Variants in PRKCA observed in about 807,000 individuals in gnomAD.
PRKCA encodes the protein protein kinase C alpha.
Under a neutral mutation model 87.0 loss-of-function variants are expected in PRKCA, and 27 were observed. The ratio of observed to expected loss-of-function variants is 0.31; its 90% CI spans 0.23 to 0.43. The LOEUF (loss-of-function observed/expected upper bound fraction) is 0.43. Ranked by LOEUF, PRKCA falls within the 20% of genes least tolerant of loss-of-function variation. The pLI is 1.00. For missense variants in PRKCA, 518 were observed against 852.3 expected (o/e 0.61, Z 4.88); for synonymous variants, 329 against 311.1 (o/e 1.06, Z -0.61).
chr17:66,587,311 T>G (rs1231902103), intron 3 of PRKCA, among the ~76,000 whole-genome samples: 2 of 152,232 alleles, frequency 1.3e-5, no homozygotes, highest in Non-Finnish European at 2.9e-5. Flanking sequence ...TGTACACTTT[T>G]TCAGCATGTG....
chr17:66,624,508 A>G (rs1277871447), intron 3 of PRKCA, among the ~76,000 whole-genome samples: 1 of 152,190 alleles, frequency 6.6e-6, no homozygotes, highest in Admixed American at 6.5e-5. Context: ...TTAAATTTAA[A>G]TGAATTATTT....
At chr17:66,486,431 C>T (rs1398935305) in intron 2 of PRKCA, among the ~76,000 whole-genome samples, 1 of 152,106 alleles carries the variant, frequency 6.6e-6, no homozygotes, top group Admixed American at 6.6e-5. Flanking sequence ...CCATCATGGG[C>T]GAGTAATGAC....
chr17:66,795,261 T>G (rs151184665), intron 16 of PRKCA, among the ~76,000 whole-genome samples: 250 of 152,316 alleles, frequency 1.6e-3, no homozygotes, highest in Middle Eastern at 6.8e-3. Flanking sequence ...ACAGATCAGA[T>G]ACCATAGGCA....
chr17:66,424,805 A>C (rs1682481689), intron 2 of PRKCA, among the ~76,000 whole-genome samples: 1 of 147,530 alleles, frequency 6.8e-6, no homozygotes, highest in Non-Finnish European at 1.5e-5. Flanking sequence ...GCTGGAATGC[A>C]GTGGCATGAT....
At chr17:66,669,669 G>A (rs985797337) in intron 5 of PRKCA, among the ~76,000 whole-genome samples, 1 of 152,192 alleles carries the variant, frequency 6.6e-6, no homozygotes, top group Non-Finnish European at 1.5e-5. Context: ...GGAGGCCGAA[G>A]TTGGGCAGAT....
chr17:66,411,014 G>A (rs1911764413), intron 2 of PRKCA, among the ~76,000 whole-genome samples: 1 of 152,132 alleles, frequency 6.6e-6, no homozygotes, highest in African/African-American at 2.4e-5. Context: ...TCTGTGCATA[G>A]ACTTAGTATT....
intron 2 of PRKCA, among the ~76,000 whole-genome samples, chr17:66,405,562 AC>A (rs1459155393): frequency 2.0e-5 from 3 of 152,210 alleles, no homozygotes; most frequent in Admixed American, 1.3e-4. Flanking sequence ...GAAAAAAAAA[AC>A]CAACCCTTGT....
chr17:66,495,215 G>A (rs1215574410), intron 2 of PRKCA, among the ~76,000 whole-genome samples: 1 of 152,128 alleles, frequency 6.6e-6, no homozygotes, highest in African/African-American at 2.4e-5. Flanking sequence ...TTACTGGGTA[G>A]TAGATTTTGC....
At chr17:66,700,938 A>G (rs1282308848) in intron 8 of PRKCA, among the ~76,000 whole-genome samples, 1 of 152,180 alleles carries the variant, frequency 6.6e-6, no homozygotes, top group African/African-American at 2.4e-5. Flanking sequence ...TTGTTTCCAT[A>G]GAGGAAAAAA....
chr17:66,313,024 C>G (rs373165147), intron 2 of PRKCA, among the ~76,000 whole-genome samples: 2 of 152,126 alleles, frequency 1.3e-5, no homozygotes, highest in Non-Finnish European at 1.5e-5. Context: ...CAGGCGTGAG[C>G]TCCCGCGCCC....
At chr17:66,626,817 T>C (rs957201541) in intron 3 of PRKCA, among the ~76,000 whole-genome samples, 3 of 152,214 alleles carry the variant, frequency 2.0e-5, no homozygotes, top group Non-Finnish European at 2.9e-5. Context: ...ATTTTTTCTT[T>C]TAAATGTTGA....
At chr17:66,348,629 T>A (rs763964680) in intron 2 of PRKCA, among the ~76,000 whole-genome samples, 1 of 152,228 alleles carries the variant, frequency 6.6e-6, no homozygotes, top group South Asian at 2.1e-4. Flanking sequence ...TCCAAAACTC[T>A]TATTTGTCTT....
chr17:66,658,632 G>A (rs1017691405), intron 5 of PRKCA, among the ~76,000 whole-genome samples: 5 of 152,268 alleles, frequency 3.3e-5, no homozygotes, highest in South Asian at 2.1e-4. Context: ...ATCATATGGC[G>A]TTGACTTTGA....
chr17:66,651,667 A>C (rs1287121927), intron 5 of PRKCA, among the ~76,000 whole-genome samples: 1 of 152,192 alleles, frequency 6.6e-6, no homozygotes, highest in Non-Finnish European at 1.5e-5. Flanking sequence ...TTGGATCCAG[A>C]TCAGGAACGT....
In PRKCA at chr17:66,689,930, G is replaced by A. The variant is rs8072920; in HGVS notation, c.918+883G>A. On this transcript the variant is annotated intron_variant, in intron 8 of 16. Coordinates refer to ENST00000413366, the MANE Select transcript of PRKCA (RefSeq NM_002737.3). This position sits in a 1 kb window ranked among gnomAD's most constrained non-coding sequence, Gnocchi z 4.1. ...CCTGGAATTTCCCCGCTCTAGAGCA[G>A]TACACGTGCACACGCACACATGTGT... Among the ~76,000 whole-genome samples the A allele has an allele frequency of 0.61, 92,417 of 152,066 alleles. 28,173 individuals carry two copies. The highest frequency in any genetic ancestry group is 0.66 in the African/African-American group (27,318 of 41,458).
chr17:66,606,763 A>C (rs1970221944), intron 3 of PRKCA, among the ~76,000 whole-genome samples: 1 of 152,200 alleles, frequency 6.6e-6, no homozygotes, highest in Admixed American at 6.5e-5. Context: ...AAGAGTTGTA[A>C]AACATTTGTG....
chr17:66,309,600 T>C (rs1200042380), intron 2 of PRKCA, among the ~76,000 whole-genome samples: 3 of 152,164 alleles, frequency 2.0e-5, no homozygotes, highest in African/African-American at 7.2e-5. Context: ...GTGTAGTAGA[T>C]TTCCAAGTGG....
At chr17:66,346,924 C>T (rs1907412515) in intron 2 of PRKCA, among the ~76,000 whole-genome samples, 1 of 151,632 alleles carries the variant, frequency 6.6e-6, no homozygotes, top group African/African-American at 2.4e-5. Flanking sequence ...CCAGCTACTC[C>T]AGAGGCTGAG....
chr17:66,565,926 T>G (rs1041232601), intron 3 of PRKCA, among the ~76,000 whole-genome samples: 1 of 152,116 alleles, frequency 6.6e-6, no homozygotes, highest in Non-Finnish European at 1.5e-5. Context: ...ACAGCCCTAG[T>G]CCTCAAGTGT....
Sources: gnomAD v4.1 joint callset for allele counts (sites outside exome capture counted in the v4.1 genomes callset) on GRCh38, gnomAD v4.1.1 for gene constraint, Gnocchi (gnomAD v3.1) non-coding constraint, MANE v1.5 for transcripts, NCBI Gene and HGNC (gene_info 2026-07-23, HGNC 2026-07-21) for gene names.